Variants in MRC1 observed in about 807,000 individuals in gnomAD.
MRC1 encodes the protein mannose receptor C-type 1, also known as macrophage mannose receptor 1.
MRC1 carries 62 observed loss-of-function variants against 102.9 expected under a neutral mutation model. The observed-to-expected ratio is 0.60, with a 90% CI of 0.49 to 0.74. The LOEUF (loss-of-function observed/expected upper bound fraction) is 0.74. MRC1 is among the 30% of genes least tolerant of loss of function. The probability of loss-of-function intolerance (pLI) is 0.00; values close to 1 mark genes in which losing one functional copy is unlikely to be tolerated. For synonymous variants in MRC1, 457 were observed against 298.4 expected (o/e 1.53, Z -5.48); for missense variants, 1,237 against 862.8 (o/e 1.43, Z -5.43).
rs1471549158 is a variant in MRC1, at chr10:17,866,705, G to A, written c.1927G>A (p.Glu643Lys). 35 of 780,790 alleles carry A rather than the reference G, an allele frequency of 4.5e-5. No individual in the cohort carries two copies. The highest frequency in any genetic ancestry group is 3.9e-4 in the African/African-American group (23 of 59,214). 48.4% of individuals were successfully genotyped at this position (780,790 alleles called of 1,614,324 possible). Residue 643 changes from glutamate (E) to lysine (K), a missense_variant, in exon 12 of 30, where the codon GAA becomes AAA. Physicochemically the swap from Glu to Lys is moderately conservative, Grantham distance 56. Coordinates refer to ENST00000569591, the MANE Select transcript of MRC1 (RefSeq NM_002438.4). ...THPPKPTTTP[E>K]PKCPEDWGAS... ...CCCACCGAAGCCCACGACGACTCCC[G>A]AACCCAAATGTCCGGAGGATTGGGG...
intron 26 of MRC1, among the ~76,000 whole-genome samples, chr10:17,905,868 G>C (rs1238036569): frequency 6.6e-6 from 1 of 151,932 alleles, no homozygotes; most frequent in Non-Finnish European, 1.5e-5. Context: ...TATAAAATGG[G>C]GCAAAGATGG....
In MRC1 at chr10:17,907,008, T is replaced by C; in HGVS notation, c.3913+9T>C. Reference sequence around the variant, plus strand: ...GTTCAGAAATGTTGAAGGTAATTTTTGCAGCATGCTTATTTAATCACAAAT... The same window carrying C: ...GTTCAGAAATGTTGAAGGTAATTTTCGCAGCATGCTTATTTAATCACAAAT... On this transcript the variant is annotated intron_variant, in intron 27 of 29. Transcript: ENST00000569591. The C allele has an allele frequency of 1.3e-6, 1 of 780,674 alleles. No individual in the cohort carries two copies. Among genetic ancestry groups the C allele is most frequent in the Admixed American group, 1.7e-5 (1 of 58,996 alleles). 48.4% of individuals were successfully genotyped at this position (780,674 alleles called of 1,614,324 possible).
At chr10:17,818,218 A>G (rs2130581067) in intron 1 of MRC1, among the ~76,000 whole-genome samples, 2 of 152,328 alleles carry the variant, frequency 1.3e-5, no homozygotes, top group South Asian at 4.1e-4. Context: ...GTAATCATTA[A>G]TCTATCATTA....
chr10:17,876,746 A>G (rs1355406254), intron 17 of MRC1, among the ~76,000 whole-genome samples: 3 of 152,190 alleles, frequency 2.0e-5, no homozygotes, highest in Admixed American at 1.3e-4. Context: ...ATTGTTAGCT[A>G]TATAACAGAG....
intron 6 of MRC1, 98 bp from the exon 7 acceptor site, chr10:17,849,481 A>G: frequency 1.5e-6 from 1 of 687,820 alleles, no homozygotes; most frequent in Non-Finnish European, 2.7e-6. Context: ...CCTAGTAACT[A>G]TAAGCTGTTT....
chr10:17,822,426 C>A (rs3903917), intron 1 of MRC1, among the ~76,000 whole-genome samples: 1 of 152,060 alleles, frequency 6.6e-6, no homozygotes, highest in Non-Finnish European at 1.5e-5. Context: ...GAGTTCAAGA[C>A]CAGCTTGGGC....
intron 21 of MRC1, among the ~76,000 whole-genome samples, chr10:17,883,818 G>A (rs1346837200): frequency 1.3e-5 from 2 of 152,206 alleles, no homozygotes; most frequent in Non-Finnish European, 2.9e-5. Context: ...GCCATGGGAG[G>A]CCTGGAGGTA....
At position 17,861,575 on chromosome 10, in the gene MRC1, C is replaced by G. The variant is rs922621767; in HGVS notation, c.1634+73C>G. The G allele has an allele frequency of 5.9e-4, 450 of 762,778 alleles. 1 individual carries two copies. In the African/African-American group the frequency reaches 7.2e-3, roughly 12 times the overall value. The allele number at this position is 762,778 out of a possible 1,614,324, so 47.3% of individuals were successfully genotyped here. A position where few individuals can be genotyped will look rare whatever the true frequency, so the allele number is the denominator to read the frequency against. ...AGTTTCAGAAAAGCCCAAGTATCAACATGCTCTAAATTTCTGAGTATGTGT... is the reference window on the plus strand; with the variant it reads ...AGTTTCAGAAAAGCCCAAGTATCAAGATGCTCTAAATTTCTGAGTATGTGT... On this transcript the variant is annotated intron_variant, in intron 10 of 29. Transcript: ENST00000569591.
intron 29 of MRC1, 109 bp from the exon 30 acceptor site, chr10:17,910,106 G>C: frequency 1.3e-6 from 1 of 757,970 alleles, no homozygotes; most frequent in South Asian, 1.4e-5. Flanking sequence ...GACAAATGTC[G>C]CTTGAAAGAA....
chr10:17,885,164 C>A, intron 21 of MRC1, 105 bp from the exon 22 acceptor site: 1 of 756,260 alleles, frequency 1.3e-6, no homozygotes, highest in Non-Finnish European at 2.5e-6. Context: ...AACAATGACA[C>A]AAGTCACATG....
intron 4 of MRC1, among the ~76,000 whole-genome samples, 195 bp downstream of exon 4, chr10:17,834,034 A>G (rs1299325927): frequency 6.6e-6 from 1 of 152,226 alleles, no homozygotes; most frequent in African/African-American, 2.4e-5. Flanking sequence ...TCCTGTGCCA[A>G]CTATTGGTTT....
intron 25 of MRC1, 37 bp downstream of exon 25, chr10:17,900,990 A>C (rs1833822168): frequency 1.3e-6 from 1 of 771,766 alleles, no homozygotes; most frequent in African/African-American, 1.7e-5. Context: ...GGGATCTGAA[A>C]ATTTCTGAAT....
In MRC1 at chr10:17,884,622, A is replaced by G. The variant is rs2104545; in HGVS notation, c.2981-647A>G. On this transcript the variant is annotated intron_variant, in intron 21 of 29. Coordinates refer to ENST00000569591, the MANE Select transcript of MRC1 (RefSeq NM_002438.4). The stretch of plus-strand genomic sequence containing the variant: ...AGAGAAGTGCAAAGCAAAGCATTAA[A>G]AGATAAAACCATCAGCTCTTGTAAG... Among the ~76,000 whole-genome samples the G allele has an allele frequency of 0.018, 2,678 of 152,316 alleles. 148 individuals are homozygous for G. The East Asian group carries it at 0.22, about 12-fold the overall frequency.
Position 17,910,714 on chromosome 10 carries a change from C to T in MRC1, c.*249C>T. On this transcript the variant is annotated 3_prime_UTR_variant, in exon 30 of 30. Transcript: ENST00000569591. The stretch of plus-strand genomic sequence containing the variant: ...TAGATAAATGCACAGCACCACAGCA[C>T]CACATCTAAGCATTAGTGATGGGTA... 1 of 523,718 alleles carries T rather than the reference C, an allele frequency of 1.9e-6. No individual in the cohort carries two copies. The allele number at this position is 523,718 out of a possible 1,614,324, so 32.4% of individuals were successfully genotyped here.
chr10:17,865,749 A>C (rs1833257554), intron 11 of MRC1, among the ~76,000 whole-genome samples: 8 of 152,232 alleles, frequency 5.3e-5, no homozygotes, highest in Non-Finnish European at 1.5e-5. Context: ...AGAAGGAGAC[A>C]ATCTTAGGAA....
intron 12 of MRC1, among the ~76,000 whole-genome samples, chr10:17,867,117 C>G (rs1274777644): frequency 7.1e-6 from 1 of 140,048 alleles, no homozygotes; most frequent in Non-Finnish European, 1.6e-5. Flanking sequence ...TACCCCCTTA[C>G]CCTCCCTTCC....
At chr10:17,891,131 T>TTTTATTTA (rs879194856) in intron 22 of MRC1, among the ~76,000 whole-genome samples, 1,471 of 135,028 alleles carry the variant, frequency 0.011, 19 homozygotes, top group African/African-American at 0.014. Flanking sequence ...GTATCACTAG[T>TTTTATTTA]TTTATTTATT....
chr10:17,862,446 G>C (rs1696391753), intron 10 of MRC1, among the ~76,000 whole-genome samples: 2 of 152,202 alleles, frequency 1.3e-5, no homozygotes, highest in East Asian at 3.9e-4. Flanking sequence ...ATCATATTCT[G>C]GTCTGCACTA....
intron 24 of MRC1, among the ~76,000 whole-genome samples, chr10:17,899,836 C>A (rs980568459): frequency 6.6e-6 from 1 of 152,078 alleles, no homozygotes; most frequent in South Asian, 2.1e-4. Flanking sequence ...CGGTGGCTCA[C>A]GCCTGTAACC....
Sources: gnomAD v4.1 joint callset for allele counts (sites outside exome capture counted in the v4.1 genomes callset) on GRCh38, gnomAD v4.1.1 for gene constraint, MANE v1.5 for transcripts, NCBI Gene and HGNC (gene_info 2026-07-23, HGNC 2026-07-21) for gene names.